The following MRPL37 variants were observed in gnomAD, a reference collection of about 807,000 sequenced individuals.
MRPL37 encodes mitochondrial ribosomal protein L37.
In MRPL37, 34 loss-of-function variants were observed where a neutral mutation model predicts 44.1. That is an observed-to-expected ratio of 0.77 (90% CI 0.59 to 1.03). The LOEUF is 1.03. MRPL37 is among the 50% of genes least tolerant of loss of function. The pLI, the probability that MRPL37 is intolerant of heterozygous loss-of-function variation, is 0.00. For missense variants in MRPL37, 532 were observed against 543.7 expected (o/e 0.98, Z 0.21); for synonymous variants, 212 against 219.5 (o/e 0.97, Z 0.30).
intron 1 of MRPL37, 149 bp downstream of exon 1, chr1:54,200,738 G>C: frequency 1.1e-6 from 1 of 913,006 alleles, no homozygotes; most frequent in South Asian, 1.8e-5. Context: ...CGTCTTCTGA[G>C]GGTTGTTAGA....
At chr1:54,217,755 C>G (rs1644208055) in intron 6 of MRPL37, among the ~76,000 whole-genome samples, 1 of 152,206 alleles carries the variant, frequency 6.6e-6, no homozygotes, top group East Asian at 1.9e-4. Context: ...TGACGGTAAG[C>G]TCCTTGAGGA....
At chr1:54,225,289 C>T, downstream of MRPL37, 2 of 1,234,198 alleles carry the variant, frequency 1.6e-6, no homozygotes, top group Non-Finnish European at 2.0e-6. Context: ...AATTTGCAGG[C>T]CCAGGAAAAG....
rs760337070 is a variant in MRPL37 at position 54,200,473 on chromosome 1, C to T, written c.230C>T (p.Pro77Leu). The change falls in exon 1 of 7, where the codon CCC becomes CTC. Residue 77 changes from proline to leucine, a missense_variant. Physicochemically the swap from Pro to Leu is moderately conservative, Grantham distance 98 (BLOSUM62 -3). Coordinates refer to ENST00000360840, the MANE Select transcript of MRPL37 (RefSeq NM_016491.4). ...VPWLARPIFP[P>L]WDRGYKDPRF... ...TGGCTGGCGCGGCCGATCTTTCCGC[C>T]CTGGGACCGCGGCTACAAGGACCCA... is the stretch of plus-strand genomic sequence containing the variant. 9 of 1,614,100 alleles carry T rather than the reference C, an allele frequency of 5.6e-6. No individual in the cohort carries two copies. Among genetic ancestry groups the T allele is most frequent in the African/African-American group, 1.3e-5 (1 of 74,952 alleles).
chr1:54,205,722 C>G (rs190012176), intron 3 of MRPL37, among the ~76,000 whole-genome samples: 1 of 152,196 alleles, frequency 6.6e-6, no homozygotes, highest in Non-Finnish European at 1.5e-5. Flanking sequence ...CATGTAGCCT[C>G]CGCCCTCACA....
intron 6 of MRPL37, among the ~76,000 whole-genome samples, chr1:54,217,395 C>T (rs1644205451): frequency 6.6e-6 from 1 of 152,190 alleles, no homozygotes; most frequent in African/African-American, 2.4e-5. Flanking sequence ...TCTGTGTCTT[C>T]AGGTTCTCTT....
chr1:54,205,455 C>A (rs757205322), intron 3 of MRPL37, 45 bp downstream of exon 3: 28 of 1,503,282 alleles, frequency 1.9e-5, no homozygotes, highest in Non-Finnish European at 2.5e-5. Context: ...GTTTTTTTTG[C>A]CTTTCTACTC....
At chr1:54,215,598 G>A (rs993417533) in intron 5 of MRPL37, among the ~76,000 whole-genome samples, 2 of 152,162 alleles carry the variant, frequency 1.3e-5, no homozygotes, top group Non-Finnish European at 2.9e-5. Flanking sequence ...CAGGGGCGTG[G>A]GGGAAGGGTG....
At chr1:54,218,471 C>G, downstream of MRPL37, 1 of 1,150,968 alleles carries the variant, frequency 8.7e-7, no homozygotes, top group Non-Finnish European at 1.2e-6. Context: ...TGAAGCCCAG[C>G]TCTGCCCTTG....
intron 5 of MRPL37, 77 bp downstream of exon 5, chr1:54,212,735 GA>G: frequency 1.9e-6 from 3 of 1,578,086 alleles, no homozygotes; most frequent in Admixed American, 1.7e-5. Flanking sequence ...CTCAGAGGAA[GA>G]AAAGGGATAT....
At position 54,200,180 on chromosome 1, in the gene MRPL37, AGCAGGCCCT is replaced by A; in HGVS notation, c.-61_-53del. ...TTGGCGCCCGGTCTCATTCGTTCCC[AGCAGGCCCT>A]GCGCGCGGCAACATGGCGGGGTCCA... is the stretch of plus-strand genomic sequence containing the variant. On this transcript the variant is annotated 5_prime_UTR_variant, in exon 1 of 7. Transcript: ENST00000360840. 1 of 1,472,644 alleles carries A rather than the reference AGCAGGCCCT, an allele frequency of 6.8e-7. No homozygotes were observed. Among genetic ancestry groups the A allele is most frequent in the Non-Finnish European group, 9.0e-7 (1 of 1,107,578 alleles). The allele number at this position is 1,472,644 out of a possible 1,614,324, so 91.2% of individuals were successfully genotyped here. A position where few individuals can be genotyped will look rare whatever the true frequency, so the allele number is the denominator to read the frequency against.
chr1:54,210,811 T>C (rs1247389686), intron 4 of MRPL37, among the ~76,000 whole-genome samples: 1 of 152,172 alleles, frequency 6.6e-6, no homozygotes, highest in Non-Finnish European at 1.5e-5. Context: ...GACCCCACAC[T>C]ATTTTCTCTC....
chr1:54,204,653 TAAATG>T (rs1644108318), intron 1 of MRPL37, among the ~76,000 whole-genome samples: 1 of 152,196 alleles, frequency 6.6e-6, no homozygotes, highest in Admixed American at 6.5e-5. Context: ...GAAAGGATCT[TAAATG>T]AAAGGTTGGC....
At position 54,218,183 on chromosome 1, in the gene MRPL37, C is replaced by G. The variant is rs15921; in HGVS notation, c.1206C>G (p.Gly402=). The G allele has an allele frequency of 0.27, 428,583 of 1,613,210 alleles. 63,656 individuals carry two copies. Among genetic ancestry groups the G allele is most frequent in the East Asian group, 0.57 (25,524 of 44,854 alleles). ...CGTGTTCTTTCCAGGAACCTGTTGGCCCAGTTGGTTTCAAGCCAGAGACAT... is the reference window on the plus strand; with the variant it reads ...CGTGTTCTTTCCAGGAACCTGTTGGGCCAGTTGGTTTCAAGCCAGAGACAT... ...IKKRVVVEPV[G]PVGFKPETFR... is the part of the protein sequence containing the mutation. Residue 402 remains glycine (G), a synonymous_variant, in exon 7 of 7, where the codon GGC becomes GGG. Coordinates refer to ENST00000360840, the MANE Select transcript of MRPL37 (RefSeq NM_016491.4).
rs771426860 is a variant in MRPL37, at chr1:54,205,246, G to A, written c.530+45G>A. 85 of 1,607,358 alleles carry A rather than the reference G, an allele frequency of 5.3e-5. 1 individual carries two copies. Among genetic ancestry groups the A allele is most frequent in the Non-Finnish European group, 5.2e-5 (61 of 1,174,826 alleles). On this transcript the variant is annotated intron_variant, in intron 2 of 6. Transcript: ENST00000360840. ...GAAGATTTCCTACTAATGGATCTTC[G>A]AGTCGACCTGTTGCTTTAAGTCCCC...
rs374102041 is a variant in MRPL37, at chr1:54,208,256, G to T, written c.647-1690G>T. On this transcript the variant is annotated intron_variant, in intron 3 of 6. Transcript: ENST00000360840. ...TTTCCTAAGTTTAAGAATCTCCTCT[G>T]CCTTGGCTGGGTGCGGTGGCTCATT... Among the ~76,000 whole-genome samples the T allele has an allele frequency of 2.0e-5, 3 of 152,014 alleles. No homozygotes were observed. The East Asian group carries it at 5.8e-4, about 29-fold the overall frequency.
At chr1:54,211,524 A>G (rs1359585500) in intron 4 of MRPL37, among the ~76,000 whole-genome samples, 1 of 150,736 alleles carries the variant, frequency 6.6e-6, no homozygotes, top group East Asian at 2.0e-4. Flanking sequence ...AGGGTCTCTC[A>G]GTCTGTCACT....
chr1:54,224,900 C>T (rs1171903491), downstream of MRPL37, among the ~76,000 whole-genome samples: 1 of 147,796 alleles, frequency 6.8e-6, no homozygotes, highest in Non-Finnish European at 1.5e-5. Flanking sequence ...GCACTACTCT[C>T]AAAACCCTTC....
At chr1:54,222,379 T>G (rs532371530), downstream of MRPL37, among the ~76,000 whole-genome samples, 7 of 152,072 alleles carry the variant, frequency 4.6e-5, no homozygotes, top group African/African-American at 1.4e-4. Context: ...ATCCACAGAG[T>G]ACTGCAAAGT....
At chr1:54,218,022 C>A in intron 6 of MRPL37, 150 bp from the exon 7 acceptor site, 1 of 776,978 alleles carries the variant, frequency 1.3e-6, no homozygotes. Context: ...GCTACAGCCC[C>A]TCAATGCCCC....
Sources: gnomAD v4.1 joint callset for allele counts (sites outside exome capture counted in the v4.1 genomes callset) on GRCh38, gnomAD v4.1.1 for gene constraint, MANE v1.5 for transcripts, NCBI Gene and HGNC (gene_info 2026-07-23, HGNC 2026-07-21) for gene names.